The following KCNIP1 variants were observed in gnomAD, a reference collection of about 807,000 sequenced individuals.
The protein encoded by KCNIP1 is A-type potassium channel modulatory protein KCNIP1.
KCNIP1 carries 18 observed loss-of-function variants against 33.0 expected under a neutral mutation model. The observed-to-expected ratio is 0.55, with a 90% CI of 0.38 to 0.81. The LOEUF is 0.81. Ranked by LOEUF, KCNIP1 falls within the 30% of genes least tolerant of loss-of-function variation. The pLI, the probability that KCNIP1 is intolerant of heterozygous loss-of-function variation, is 0.00. For synonymous variants in KCNIP1, 93 were observed against 98.3 expected (o/e 0.95, Z 0.32); for missense variants, 238 against 271.6 (o/e 0.88, Z 0.87).
intron 1 of KCNIP1, among the ~76,000 whole-genome samples, chr5:170,569,108 C>G (rs543442178): frequency 6.6e-6 from 1 of 152,324 alleles, no homozygotes; most frequent in South Asian, 2.1e-4. Context: ...CCCTGAAACC[C>G]TTTTCCAGTA....
Position 170,683,889 on chromosome 5 carries a change from A to AGTGTGTGTGTGTGT in KCNIP1, c.62-34865_62-34864insGTGTGTGTGTGTGT, listed in dbSNP as rs756936341. On this transcript the variant is annotated intron_variant, in intron 1 of 7. Coordinates refer to ENST00000328939, the MANE Select transcript of KCNIP1 (RefSeq NM_014592.4). The stretch of plus-strand genomic sequence containing the variant: ...CAGGCATACACCACTATGCCCAGCT[A>AGTGTGTGTGTGTGT]GTGTATGTGTGTGTGTGTGTGTGTG... 3.3e-4 allele frequency among the ~76,000 whole-genome samples: 41 copies of AGTGTGTGTGTGTGT among 124,686 alleles called. 1 individual carries two copies. Among genetic ancestry groups the AGTGTGTGTGTGTGT allele is most frequent in the African/African-American group, 9.6e-4 (35 of 36,326 alleles). 81.8% of individuals were successfully genotyped at this position (124,686 alleles called of 152,430 possible).
At chr5:170,663,114 G>A (rs1373542918) in intron 1 of KCNIP1, among the ~76,000 whole-genome samples, 1 of 152,188 alleles carries the variant, frequency 6.6e-6, no homozygotes, top group Non-Finnish European at 1.5e-5. Context: ...AGATCATCCT[G>A]CCTCAGGTGT....
chr5:170,410,440 C>T (rs1443502802), intron 1 of KCNIP1, among the ~76,000 whole-genome samples: 1 of 152,180 alleles, frequency 6.6e-6, no homozygotes, highest in East Asian at 1.9e-4. Context: ...CAGGGGATCG[C>T]AGACATAGTG....
At chr5:170,549,889 G>A (rs1756545596) in intron 1 of KCNIP1, among the ~76,000 whole-genome samples, 1 of 152,176 alleles carries the variant, frequency 6.6e-6, no homozygotes, top group South Asian at 2.1e-4. Flanking sequence ...ATATTTGTAT[G>A]CTGTCAATGA....
intron 5 of KCNIP1, among the ~76,000 whole-genome samples, chr5:170,730,349 T>G (rs935605715): frequency 6.6e-6 from 1 of 152,180 alleles, no homozygotes; most frequent in Non-Finnish European, 1.5e-5. Flanking sequence ...TCCCCATTAA[T>G]CTATCAGACC....
intron 1 of KCNIP1, among the ~76,000 whole-genome samples, chr5:170,618,446 G>C (rs952538983): frequency 1.4e-5 from 2 of 144,624 alleles, no homozygotes; most frequent in African/African-American, 5.1e-5. Context: ...GGAGAGGGAG[G>C]GAGAAAGGAA....
chr5:170,601,420 C>T (rs941803789), intron 1 of KCNIP1, among the ~76,000 whole-genome samples: 1 of 152,220 alleles, frequency 6.6e-6, no homozygotes, highest in Non-Finnish European at 1.5e-5. Flanking sequence ...TCCCGGGAAA[C>T]TTCAGCCTGG....
chr5:170,669,717 T>G (rs561543945), intron 1 of KCNIP1: 1 of 888,448 alleles, frequency 1.1e-6, no homozygotes, highest in East Asian at 1.2e-4. Context: ...CCATTTTATT[T>G]TAGGTCATAA....
Position 170,735,958 on chromosome 5 carries a change from TG to T in KCNIP1, c.*154del. On this transcript the variant is annotated 3_prime_UTR_variant, in exon 8 of 8. Transcript: ENST00000328939. ...AGAATTCTCTGCTGAAGACTTTCTA[TG>T]GAACCCAGCATCATGTGGCTCAGTC... is the stretch of plus-strand genomic sequence containing the variant. 1 of 640,934 alleles carries T rather than the reference TG, an allele frequency of 1.6e-6. No homozygotes were observed. Among genetic ancestry groups the T allele is most frequent in the East Asian group, 2.7e-5 (1 of 36,864 alleles). The allele number at this position is 640,934 out of a possible 1,614,324, so 39.7% of individuals were successfully genotyped here.
intron 1 of KCNIP1, among the ~76,000 whole-genome samples, chr5:170,495,167 C>T (rs73803729): frequency 2.5e-3 from 378 of 152,250 alleles, no homozygotes; most frequent in African/African-American, 8.4e-3. Context: ...GGTGGGCTTA[C>T]GGAGCATGGA....
intron 1 of KCNIP1, among the ~76,000 whole-genome samples, chr5:170,573,928 CT>C (rs1216074716): frequency 7.3e-6 from 1 of 137,004 alleles, no homozygotes; most frequent in Non-Finnish European, 1.6e-5. Flanking sequence ...GTTGGGTACT[CT>C]GTCTGTTGTG....
At chr5:170,466,683 A>G (rs1314453836) in intron 1 of KCNIP1, among the ~76,000 whole-genome samples, 3 of 152,160 alleles carry the variant, frequency 2.0e-5, no homozygotes, top group Non-Finnish European at 4.4e-5. Flanking sequence ...CTTCTGGCTC[A>G]TAGATGCTGC....
intron 1 of KCNIP1, among the ~76,000 whole-genome samples, chr5:170,417,605 G>A (rs575833334): frequency 1.1e-4 from 16 of 152,230 alleles, no homozygotes; most frequent in African/African-American, 2.6e-4. Context: ...CCCTCTTGTC[G>A]TCTGGGTTCT....
At chr5:170,415,713 C>A (rs1380438904) in intron 1 of KCNIP1, among the ~76,000 whole-genome samples, 1 of 152,190 alleles carries the variant, frequency 6.6e-6, no homozygotes, top group Non-Finnish European at 1.5e-5. Context: ...TGCCCCTCTC[C>A]CCTGGGCTAT....
chr5:170,519,760 G>C (rs1325353493), intron 1 of KCNIP1, among the ~76,000 whole-genome samples: 1 of 152,164 alleles, frequency 6.6e-6, no homozygotes, highest in African/African-American at 2.4e-5. Flanking sequence ...AGAGAGATGG[G>C]TAATAAGAGT....
chr5:170,400,293 C>A (rs1042357139), intron 1 of KCNIP1, among the ~76,000 whole-genome samples: 6 of 152,132 alleles, frequency 3.9e-5, no homozygotes, highest in African/African-American at 1.4e-4. Context: ...CCTCAGGAAA[C>A]TTACAATCAC....
At chr5:170,560,820 TC>T in intron 1 of KCNIP1, among the ~76,000 whole-genome samples, 1 of 152,088 alleles carries the variant, frequency 6.6e-6, no homozygotes, top group Non-Finnish European at 1.5e-5. Flanking sequence ...CCACCCTGGT[TC>T]CCCCCGCCCC....
At chr5:170,533,314 G>T (rs1755850274) in intron 1 of KCNIP1, among the ~76,000 whole-genome samples, 1 of 152,234 alleles carries the variant, frequency 6.6e-6, no homozygotes, top group Non-Finnish European at 1.5e-5. Context: ...TGGAGGGAGG[G>T]TTAATGCCAG....
Position 170,689,569 on chromosome 5 carries a change from T to C in KCNIP1, c.62-29189T>C, listed in dbSNP as rs1753389374. Among the ~76,000 whole-genome samples, 8 of 152,330 alleles carry C rather than the reference T, an allele frequency of 5.3e-5. No individual in the cohort carries two copies. In the South Asian group the frequency reaches 1.7e-3, roughly 32 times the overall value. ...CAACAGAAGAAACCAGGACTACATC[T>C]GCCTCAAAGGAACCAGAGAAGGCTT... On this transcript the variant is annotated intron_variant, in intron 1 of 7. Transcript: ENST00000328939.
Sources: allele counts gnomAD v4.1 joint callset (sites outside exome capture counted in the v4.1 genomes callset), GRCh38; gene constraint gnomAD v4.1.1; transcripts MANE v1.5; gene names NCBI Gene and HGNC (gene_info 2026-07-23, HGNC 2026-07-21).